The following ARHGEF28 variants were observed in gnomAD, a reference collection of about 807,000 sequenced individuals.
ARHGEF28 encodes 190 kDa guanine nucleotide exchange factor.
In ARHGEF28, 152 loss-of-function variants were observed where a neutral mutation model predicts 206.6. That is an observed-to-expected ratio of 0.74 (90% confidence interval 0.64 to 0.84). ARHGEF28 has a LOEUF of 0.84. Among genes scored for constraint, ARHGEF28 ranks in the 40% least tolerant of loss-of-function variants. The pLI, the probability that ARHGEF28 is intolerant of heterozygous loss-of-function variation, is 0.00. For synonymous variants in ARHGEF28, 763 were observed against 776.4 expected (o/e 0.98, Z 0.29); for missense variants, 2,028 against 2,073.2 (o/e 0.98, Z 0.42).
intron 16 of ARHGEF28, 149 bp downstream of exon 16, chr5:73,858,368 T>G (rs1188125874): frequency 9.3e-7 from 1 of 1,075,260 alleles, no homozygotes; most frequent in Admixed American, 2.8e-5. Context: ...TGATACTGGT[T>G]AGAGTCAGTG....
chr5:73,702,721 A>G (rs1748677636), intron 2 of ARHGEF28, among the ~76,000 whole-genome samples: 1 of 152,202 alleles, frequency 6.6e-6, no homozygotes, highest in Non-Finnish European at 1.5e-5. Flanking sequence ...GTTTTTTTAA[A>G]TAATAGCCAT....
intron 1 of ARHGEF28, chr5:73,627,026 G>A (rs559495186): frequency 2.0e-5 from 3 of 152,388 alleles, no homozygotes; most frequent in African/African-American, 7.2e-5. Context: ...GTCGAGGGCT[G>A]TATGGAAACT....
chr5:73,764,589 A>G (rs989322617), intron 4 of ARHGEF28, among the ~76,000 whole-genome samples: 2 of 152,210 alleles, frequency 1.3e-5, no homozygotes, highest in African/African-American at 4.8e-5. Context: ...GGTGGTTGTA[A>G]TATGAGTGTC....
intron 1 of ARHGEF28, among the ~76,000 whole-genome samples, chr5:73,674,196 A>T (rs1746514952): frequency 6.6e-6 from 1 of 152,034 alleles, no homozygotes; most frequent in Non-Finnish European, 1.5e-5. Flanking sequence ...CCAAAAACAA[A>T]ACATACCATA....
chr5:73,660,159 T>C (rs1053651692), intron 1 of ARHGEF28, among the ~76,000 whole-genome samples: 1 of 152,234 alleles, frequency 6.6e-6, no homozygotes, highest in African/African-American at 2.4e-5. Flanking sequence ...TAAGTTTATG[T>C]AATATTCTAA....
chr5:73,653,773 C>T (rs1039620792), intron 1 of ARHGEF28, among the ~76,000 whole-genome samples: 5 of 152,346 alleles, frequency 3.3e-5, no homozygotes, highest in African/African-American at 1.2e-4. Flanking sequence ...TGGGCTTCCC[C>T]TACAGCTCCT....
At chr5:73,770,036 A>G (rs1753136310) in intron 4 of ARHGEF28, among the ~76,000 whole-genome samples, 1 of 152,226 alleles carries the variant, frequency 6.6e-6, no homozygotes, top group Admixed American at 6.5e-5. Context: ...GCTAATTGAA[A>G]GGTATGGCCA....
At chr5:73,721,969 T>G (rs944740866) in intron 2 of ARHGEF28, among the ~76,000 whole-genome samples, 1 of 152,182 alleles carries the variant, frequency 6.6e-6, no homozygotes, top group African/African-American at 2.4e-5. Flanking sequence ...GGCCCCACCC[T>G]AATCTAGAAA....
intron 4 of ARHGEF28, among the ~76,000 whole-genome samples, chr5:73,770,352 G>A (rs1284640879): frequency 3.3e-5 from 5 of 152,172 alleles, no homozygotes; most frequent in African/African-American, 1.2e-4. Context: ...ATGCAGTAAG[G>A]AATGGCTTAT....
rs562422442 is a variant in ARHGEF28, at chr5:73,894,404, A to G, written c.3670A>G (p.Asn1224Asp). 12 of 1,610,558 alleles carry G rather than the reference A, an allele frequency of 7.5e-6. No individual in the cohort carries two copies. In the African/African-American group the frequency reaches 1.2e-4, roughly 16 times the overall value. ...KIQQCQEILT[N>D]QDQQICAYLE... is the part of the protein sequence containing the mutation. Reference sequence around the variant, plus strand: ...ATACTATTTCATAGAAATACTCACTAACCAAGACCAACAAATTTGTGCGTA... The same window carrying G: ...ATACTATTTCATAGAAATACTCACTGACCAAGACCAACAAATTTGTGCGTA... The change falls in exon 29 of 36, where the codon AAC becomes GAC. Residue 1224 changes from asparagine to aspartate, a missense_variant. By Grantham distance (23) the Asn-to-Asp change is conservative. Around this residue, in one of 3 missense-constraint regions of ARHGEF28, gnomAD observed 803 missense variants for 768.0 expected, o/e 1.05. Transcript: ENST00000513042.
intron 2 of ARHGEF28, among the ~76,000 whole-genome samples, chr5:73,746,988 G>A (rs1424181873): frequency 6.6e-6 from 1 of 152,110 alleles, no homozygotes. Context: ...TGAAAAATGG[G>A]TTTTGACTGG....
At chr5:73,857,546 TACAC>T (rs1199407038) in intron 14 of ARHGEF28, 106 bp from the exon 15 acceptor site, 13 of 1,165,586 alleles carry the variant, frequency 1.1e-5, no homozygotes, top group Non-Finnish European at 1.4e-5. Context: ...AAAAAATACA[TACAC>T]ATACATATAT....
Position 73,626,273 on chromosome 5 carries a change from G to A in ARHGEF28, c.-61G>A, listed in dbSNP as rs139527887. ...TCCGAGGCGCCCTCAGGCAGGGCGC[G>A]GGGGCAGAGCCTCGCCTGGGTTCTG... On this transcript the variant is annotated 5_prime_UTR_variant, in exon 1 of 36. Transcript: ENST00000513042. 6,186 of 152,224 alleles carry A rather than the reference G, an allele frequency of 0.041. 205 individuals carry two copies. Among genetic ancestry groups the A allele is most frequent in the South Asian group, 0.15 (737 of 4,824 alleles). 9.4% of individuals were successfully genotyped at this position (152,224 alleles called of 1,614,324 possible). A position where few individuals can be genotyped will look rare whatever the true frequency, so the allele number is the denominator to read the frequency against.
At chr5:73,639,245 A>ATAAT (rs1554049604) in intron 1 of ARHGEF28, among the ~76,000 whole-genome samples, 4 of 148,414 alleles carry the variant, frequency 2.7e-5, no homozygotes, top group African/African-American at 9.9e-5. Flanking sequence ...ATATATATAT[A>ATAAT]ATATATATAC....
chr5:73,669,792 T>C (rs1056357538), intron 1 of ARHGEF28, among the ~76,000 whole-genome samples: 1 of 152,174 alleles, frequency 6.6e-6, no homozygotes, highest in Non-Finnish European at 1.5e-5. Flanking sequence ...ATTCAAGCAA[T>C]TCTGGTGACT....
intron 7 of ARHGEF28, among the ~76,000 whole-genome samples, chr5:73,788,479 C>G (rs1429515055): frequency 6.6e-6 from 1 of 152,056 alleles, no homozygotes; most frequent in African/African-American, 2.4e-5. Context: ...TAACATAAAC[C>G]ATTGATTAAT....
intron 16 of ARHGEF28, among the ~76,000 whole-genome samples, chr5:73,859,781 G>A (rs531211470): frequency 1.3e-5 from 2 of 152,260 alleles, no homozygotes; most frequent in African/African-American, 4.8e-5. Context: ...CCACCCTTGT[G>A]GGTGGACTTG....
chr5:73,836,387 C>G (rs183100458), intron 10 of ARHGEF28, among the ~76,000 whole-genome samples: 5 of 136,148 alleles, frequency 3.7e-5, no homozygotes, highest in African/African-American at 1.4e-4. Flanking sequence ...GTTCATTTTT[C>G]TGATGATTAG....
intron 9 of ARHGEF28, among the ~76,000 whole-genome samples, chr5:73,809,456 A>G (rs1430013426): frequency 6.6e-6 from 1 of 152,176 alleles, no homozygotes; most frequent in Non-Finnish European, 1.5e-5. Flanking sequence ...TGACGGAGCC[A>G]TTATTTGAAC....
Sources: gnomAD v4.1 joint callset for allele counts (sites outside exome capture counted in the v4.1 genomes callset) on GRCh38, gnomAD v4.1.1 for gene constraint, gnomAD v4.1.1 regional missense constraint, MANE v1.5 for transcripts, NCBI Gene and HGNC (gene_info 2026-07-23, HGNC 2026-07-21) for gene names.